ACOT7: variants seen among roughly 807,000 people sequenced by gnomAD.
ACOT7 encodes cytosolic acyl coenzyme A thioester hydrolase.
A neutral mutation model predicts 40.2 loss-of-function variants in ACOT7; 12 were observed. The ratio of observed to expected loss-of-function variants is 0.30; its 90% CI spans 0.19 to 0.48. The LOEUF (loss-of-function observed/expected upper bound fraction) is 0.48, where lower values mean the gene tolerates loss of function less well. Ranked by LOEUF, ACOT7 falls within the 20% of genes least tolerant of loss-of-function variation. The probability of loss-of-function intolerance (pLI) is 0.99; values close to 1 mark genes in which losing one functional copy is unlikely to be tolerated. For synonymous variants in ACOT7, 228 were observed against 219.5 expected (o/e 1.04, Z -0.34); for missense variants, 395 against 530.8 (o/e 0.74, Z 2.51).
At chr1:6,341,138 C>T (rs867138550) in intron 2 of ACOT7, among the ~76,000 whole-genome samples, 1 of 151,820 alleles carries the variant, frequency 6.6e-6, no homozygotes, top group Middle Eastern at 3.4e-3. Context: ...TGGCTCTTTG[C>T]AATCACTATT....
rs201540864 is a variant in ACOT7 at position 6,383,280 on chromosome 1, C to T, written c.143+9977G>A. 1.6e-4 allele frequency among the ~76,000 whole-genome samples: 24 copies of T among 150,650 alleles called. No individual in the cohort carries two copies. In the East Asian group the frequency reaches 2.5e-3, roughly 16 times the overall value. On this transcript the variant is annotated intron_variant, in intron 1 of 8. Coordinates refer to ENST00000361521, the MANE Select transcript of ACOT7 (RefSeq NM_007274.4). Reference sequence around the variant, plus strand: ...TCAGCTCACTGCAAGCTCCGCCTCCCGGGTTCATGCCATTCTCCTGCCTCA... The same window carrying T: ...TCAGCTCACTGCAAGCTCCGCCTCCTGGGTTCATGCCATTCTCCTGCCTCA...
At chr1:6,309,684 T>G (rs1189974958) in intron 6 of ACOT7, among the ~76,000 whole-genome samples, 2 of 152,178 alleles carry the variant, frequency 1.3e-5, no homozygotes, top group African/African-American at 4.8e-5. Context: ...GGGGCTATGT[T>G]CTCGTTAAGG....
intron 1 of ACOT7, among the ~76,000 whole-genome samples, chr1:6,384,227 C>T (rs907061568): frequency 6.6e-5 from 10 of 151,788 alleles, no homozygotes; most frequent in African/African-American, 2.4e-4. Context: ...TCTAAAAATA[C>T]ACAGTGGTCA....
chr1:6,338,000 CAAAAAAAAAAAA>C lies in ACOT7; in HGVS notation c.418+1421_418+1432del, dbSNP rs769360339. 7.4e-4 allele frequency among the ~76,000 whole-genome samples: 53 copies of C among 71,814 alleles called. 1 individual carries two copies. The South Asian group carries it at 0.027, about 36-fold the overall frequency. 47.1% of individuals were successfully genotyped at this position (71,814 alleles called of 152,430 possible). Reference sequence around the variant, plus strand: ...TGGGCAACAGAGTGAGACACCATCTCAAAAAAAAAAAAAAAAAAAAAAAGAAACCTGCTCTTC... The same window carrying C: ...TGGGCAACAGAGTGAGACACCATCTCAAAAAAAAAAAGAAACCTGCTCTTC... On this transcript the variant is annotated intron_variant, in intron 3 of 8. Transcript: ENST00000361521.
intron 1 of ACOT7, chr1:6,385,760 C>G: frequency 6.8e-7 from 1 of 1,479,398 alleles, no homozygotes; most frequent in South Asian, 1.3e-5. Context: ...AGCAGTGAGC[C>G]GGTGTGATCC....
At chr1:6,283,021 G>A (rs1639398819) in intron 7 of ACOT7, 2 of 421,066 alleles carry the variant, frequency 4.7e-6, no homozygotes, top group South Asian at 3.4e-5. Context: ...GCAGGAACAA[G>A]CCCTTTCCAT....
rs1639269413 is a variant in ACOT7 at position 6,278,660 on chromosome 1, C to T, written c.1014+2442G>A. Among the ~76,000 whole-genome samples, 1 of 152,190 alleles carries T rather than the reference C, an allele frequency of 6.6e-6. No homozygotes were observed. Among genetic ancestry groups the T allele is most frequent in the Admixed American group, 6.5e-5 (1 of 15,288 alleles). ...TCAATTTGGGAGTCAATACAACACA[C>T]AGGCGATGCTCGAGGCACAGACCAT... On this transcript the variant is annotated intron_variant, in intron 8 of 8. Transcript: ENST00000361521. This position sits in a 1 kb window ranked among gnomAD's most constrained non-coding sequence, Gnocchi z 4.1.
At chr1:6,375,871 G>A (rs1642220702) in intron 1 of ACOT7, among the ~76,000 whole-genome samples, 1 of 151,780 alleles carries the variant, frequency 6.6e-6, no homozygotes, top group Admixed American at 6.6e-5. Context: ...CCGGGAGGTG[G>A]AGCTTGCAGT....
At chr1:6,356,483 C>A (rs1170157038) in intron 1 of ACOT7, among the ~76,000 whole-genome samples, 3 of 152,264 alleles carry the variant, frequency 2.0e-5, no homozygotes, top group South Asian at 2.1e-4. Flanking sequence ...CACCTGCCAC[C>A]CACACCTGGC....
At chr1:6,265,602 AC>A (rs961107270) in intron 8 of ACOT7, among the ~76,000 whole-genome samples, 1 of 76,730 alleles carries the variant, frequency 1.3e-5, no homozygotes, top group Non-Finnish European at 2.7e-5. Flanking sequence ...TATGAACGGC[AC>A]CCCCTTTCAC....
chr1:6,264,290 T>G lies in ACOT7; in HGVS notation c.*307A>C. On this transcript the variant is annotated 3_prime_UTR_variant, in exon 9 of 9. Coordinates refer to ENST00000361521, the MANE Select transcript of ACOT7 (RefSeq NM_007274.4). Reference sequence around the variant, plus strand: ...ACGTGGGTCCAGCCAAGCAGCAGCTTTATTAGTGGTGCTGGGTTCTTCCCA... The same window carrying G: ...ACGTGGGTCCAGCCAAGCAGCAGCTGTATTAGTGGTGCTGGGTTCTTCCCA... The G allele has an allele frequency of 7.1e-5, 21 of 294,008 alleles. No homozygotes were observed. The highest frequency in any genetic ancestry group is 9.4e-4 in the Middle Eastern group (1 of 1,068). 18.2% of individuals were successfully genotyped at this position (294,008 alleles called of 1,614,324 possible). A position where few individuals can be genotyped will look rare whatever the true frequency, so the allele number is the denominator to read the frequency against.
Position 6,318,146 on chromosome 1 carries a change from C to T in ACOT7, c.712+346G>A, listed in dbSNP as rs548811532. Among the ~76,000 whole-genome samples the T allele has an allele frequency of 1.6e-4, 24 of 152,330 alleles. No homozygotes were observed. In the South Asian group the frequency reaches 5.0e-3, roughly 32 times the overall value. ...TCATGGCTCACTGCAACTTCGACCT[C>T]CTGGGCTCAAGCGATCCTCCCACCT... On this transcript the variant is annotated intron_variant, in intron 6 of 8. Transcript: ENST00000361521.
intron 8 of ACOT7, among the ~76,000 whole-genome samples, chr1:6,279,733 G>C (rs1027417571): frequency 1.3e-5 from 2 of 152,206 alleles, no homozygotes; most frequent in Admixed American, 1.3e-4. Context: ...GTTGGCAGCG[G>C]AGGGTACTCG....
In ACOT7 at chr1:6,338,575, G is replaced by A. The variant is rs1380423625; in HGVS notation, c.418+858C>T. ...CAGCCATTCTAATCAACCCTGCTGA[G>A]GTCCTCAGAATGTTCTAGATGCATA... On this transcript the variant is annotated intron_variant, in intron 3 of 8. Transcript: ENST00000361521. This position sits in a 1 kb window ranked among gnomAD's most constrained non-coding sequence, Gnocchi z 4.4. Among the ~76,000 whole-genome samples, 1 of 152,230 alleles carries A rather than the reference G, an allele frequency of 6.6e-6. No homozygotes were observed. Among genetic ancestry groups the A allele is most frequent in the East Asian group, 1.9e-4 (1 of 5,190 alleles).
chr1:6,280,993 C>T, intron 8 of ACOT7, 109 bp downstream of exon 8: 1 of 1,440,348 alleles, frequency 6.9e-7, no homozygotes, highest in South Asian at 1.2e-5. Context: ...CTGACCCCTA[C>T]TGACAGGACA....
At chr1:6,366,477 TTGAGAGGCTAAGGG>T (rs2148470302) in intron 1 of ACOT7, among the ~76,000 whole-genome samples, 1 of 152,026 alleles carries the variant, frequency 6.6e-6, no homozygotes, top group Admixed American at 6.6e-5. Flanking sequence ...TCCCAGTTAC[TTGAGAGGCTAAGGG>T]TGGGAGGATC....
In ACOT7 at chr1:6,264,398, A is replaced by G; in HGVS notation, c.*199T>C. 1.7e-6 allele frequency: 1 copy of G among 599,534 alleles called. No homozygotes were observed. Among genetic ancestry groups the G allele is most frequent in the South Asian group, 2.0e-5 (1 of 48,870 alleles). 37.1% of individuals were successfully genotyped at this position (599,534 alleles called of 1,614,324 possible). A position where few individuals can be genotyped will look rare whatever the true frequency, so the allele number is the denominator to read the frequency against. On this transcript the variant is annotated 3_prime_UTR_variant, in exon 9 of 9. Coordinates refer to ENST00000361521, the MANE Select transcript of ACOT7 (RefSeq NM_007274.4). Reference sequence around the variant, plus strand: ...CTCGGGACAACACTGTGTAGCATTGATACTGGAATGATATAAATAAAGCTT... The same window carrying G: ...CTCGGGACAACACTGTGTAGCATTGGTACTGGAATGATATAAATAAAGCTT...
chr1:6,331,896 C>T (rs866036843), intron 4 of ACOT7, among the ~76,000 whole-genome samples: 3 of 152,264 alleles, frequency 2.0e-5, no homozygotes, highest in South Asian at 2.1e-4. Flanking sequence ...ACAGAAGAGA[C>T]GGCAGGAAGC....
At position 6,306,175 on chromosome 1, in the gene ACOT7, C is replaced by A. The variant is rs1231171199; in HGVS notation, c.713-11195G>T. 1.1e-6 allele frequency: 1 copy of A among 877,554 alleles called. No homozygotes were observed. Among genetic ancestry groups the A allele is most frequent in the South Asian group, 5.5e-5 (1 of 18,164 alleles). 54.4% of individuals were successfully genotyped at this position (877,554 alleles called of 1,614,324 possible). ...CTTCGGCTCGGCATCAGAGGGAGAC[C>A]GTGGCAAGAGAGGGAGAGGGAGACC... On this transcript the variant is annotated intron_variant, in intron 6 of 8. Transcript: ENST00000361521. The surrounding 1 kb of genome is among the most constrained non-coding windows in gnomAD (Gnocchi z 4.3).
Sources: gnomAD v4.1 joint callset for allele counts (sites outside exome capture counted in the v4.1 genomes callset) on GRCh38, gnomAD v4.1.1 for gene constraint, Gnocchi (gnomAD v3.1) non-coding constraint, MANE v1.5 for transcripts, NCBI Gene and HGNC (gene_info 2026-07-23, HGNC 2026-07-21) for gene names.